The following CLYBL variants were observed in gnomAD, a reference collection of about 807,000 sequenced individuals.
The protein encoded by CLYBL is citramalyl-CoA lyase, mitochondrial.
CLYBL carries 31 observed loss-of-function variants against 38.9 expected under a neutral mutation model. The observed-to-expected ratio is 0.80, with a 90% CI of 0.60 to 1.08. The LOEUF (loss-of-function observed/expected upper bound fraction) is 1.08. CLYBL is among the 50% of genes least tolerant of loss of function. CLYBL has a pLI of 0.00. For synonymous variants in CLYBL, 171 were observed against 158.6 expected (o/e 1.08, Z -0.59); for missense variants, 434 against 411.6 (o/e 1.05, Z -0.47).
chr13:99,854,142 A>G (rs2051398977), intron 2 of CLYBL, among the ~76,000 whole-genome samples: 1 of 152,102 alleles, frequency 6.6e-6, no homozygotes, highest in Non-Finnish European at 1.5e-5. Context: ...TTTCTTAATT[A>G]CCAAATCTTG....
chr13:99,781,958 C>G (rs2049664655), intron 2 of CLYBL, among the ~76,000 whole-genome samples: 1 of 152,226 alleles, frequency 6.6e-6, no homozygotes, highest in African/African-American at 2.4e-5. Context: ...CCAGTTATTT[C>G]TCTCGCACTG....
At chr13:99,737,867 C>G (rs760238215) in intron 1 of CLYBL, among the ~76,000 whole-genome samples, 1 of 152,030 alleles carries the variant, frequency 6.6e-6, no homozygotes, top group South Asian at 2.1e-4. Context: ...CTACTGTGCG[C>G]GTCAATTTTT....
At chr13:99,839,705 A>G (rs914494780) in intron 2 of CLYBL, among the ~76,000 whole-genome samples, 54 of 152,154 alleles carry the variant, frequency 3.5e-4, no homozygotes, top group African/African-American at 1.3e-3. Context: ...GTGGGTACAT[A>G]GTAGGTATAT....
At chr13:99,621,614 T>C (rs1364448626) in intron 1 of CLYBL, among the ~76,000 whole-genome samples, 1 of 147,450 alleles carries the variant, frequency 6.8e-6, no homozygotes, top group Non-Finnish European at 1.5e-5. Context: ...TTCCTATTGC[T>C]GTTGTAACAG....
intron 2 of CLYBL, among the ~76,000 whole-genome samples, chr13:99,833,030 A>ATATATATT (rs1555314878): frequency 2.8e-5 from 1 of 35,868 alleles, no homozygotes; most frequent in Non-Finnish European, 4.4e-5. Context: ...ATATATATAT[A>ATATATATT]TTTTTTTTTT....
intron 1 of CLYBL, chr13:99,726,653 C>G (rs1327543694): frequency 6.6e-6 from 1 of 152,296 alleles, no homozygotes; most frequent in Non-Finnish European, 1.5e-5. Context: ...GAGACTTAAA[C>G]TCTGAATAAT....
intron 2 of CLYBL, among the ~76,000 whole-genome samples, chr13:99,796,545 T>TC (rs1214746437): frequency 5.9e-5 from 9 of 152,226 alleles, no homozygotes; most frequent in Admixed American, 4.6e-4. Flanking sequence ...GCTATTATTC[T>TC]CCCCATTGAC....
chr13:99,693,965 T>G (rs148263566), intron 1 of CLYBL, among the ~76,000 whole-genome samples: 104 of 152,224 alleles, frequency 6.8e-4, no homozygotes, highest in African/African-American at 2.5e-3. Flanking sequence ...GAGGGACAGA[T>G]GGAACAAAAG....
chr13:99,644,004 C>CAAAAAAAAAAAAAAAAAAAAAA, intron 1 of CLYBL, among the ~76,000 whole-genome samples: 1 of 89,126 alleles, frequency 1.1e-5, no homozygotes, highest in Admixed American at 1.2e-4. Flanking sequence ...GACTCTGTCT[C>CAAAAAAAAAAAAAAAAAAAAAA]AAAAAAAAAA....
chr13:99,887,184 G>A (rs1418005595), intron 7 of CLYBL, among the ~76,000 whole-genome samples: 1 of 152,150 alleles, frequency 6.6e-6, no homozygotes, highest in Non-Finnish European at 1.5e-5. Flanking sequence ...TCAACCTCTA[G>A]GTTTTCTGCA....
chr13:99,784,453 T>C (rs950861148), intron 2 of CLYBL, among the ~76,000 whole-genome samples: 9 of 41,354 alleles, frequency 2.2e-4, no homozygotes, highest in Middle Eastern at 8.6e-3. Context: ...TTCTCTCTTT[T>C]TTTTTTTTTT....
chr13:99,857,652 G>C (rs1190035849), intron 2 of CLYBL, among the ~76,000 whole-genome samples: 1 of 152,078 alleles, frequency 6.6e-6, no homozygotes, highest in Admixed American at 6.5e-5. Context: ...GCTTCTCCCC[G>C]CTCATAGACC....
chr13:99,903,441 C>T (rs1010996032), intron 8 of CLYBL, among the ~76,000 whole-genome samples: 1 of 152,126 alleles, frequency 6.6e-6, no homozygotes. Context: ...CACATGCACA[C>T]AGGGAATTGT....
chr13:99,726,978 G>A (rs1298980877), intron 1 of CLYBL, among the ~76,000 whole-genome samples: 1 of 151,968 alleles, frequency 6.6e-6, no homozygotes, highest in African/African-American at 2.4e-5. Context: ...GGACAACTTG[G>A]TGAAACCCCA....
downstream of CLYBL, among the ~76,000 whole-genome samples, chr13:99,898,423 G>C (rs1196051819): frequency 1.3e-5 from 2 of 152,166 alleles, no homozygotes; most frequent in African/African-American, 2.4e-5. Context: ...ATGAACTTCT[G>C]GCTTCGATTT....
chr13:99,675,133 T>C (rs535593921), intron 1 of CLYBL, among the ~76,000 whole-genome samples: 1 of 152,290 alleles, frequency 6.6e-6, no homozygotes, highest in South Asian at 2.1e-4. Flanking sequence ...GGTAGAAGCA[T>C]GGAATGGATT....
chr13:99,861,287 T>G (rs2051596169), intron 3 of CLYBL, among the ~76,000 whole-genome samples: 1 of 152,162 alleles, frequency 6.6e-6, no homozygotes. Flanking sequence ...AATGCCCCTA[T>G]TGGCTTAAAA....
chr13:99,699,803 C>T (rs1258869208), intron 1 of CLYBL, among the ~76,000 whole-genome samples: 1 of 151,458 alleles, frequency 6.6e-6, no homozygotes, highest in African/African-American at 2.4e-5. Flanking sequence ...ACCATCCTGG[C>T]TAACAAGGTG....
At chr13:99,824,951 C>T (rs9517892) in intron 2 of CLYBL, among the ~76,000 whole-genome samples, 21,777 of 152,116 alleles carry the variant, frequency 0.14, 1,974 homozygotes, top group East Asian at 0.5. Context: ...CCCCTGCCCC[C>T]CACTCTTCAT....
Sources: allele counts gnomAD v4.1 joint callset (sites outside exome capture counted in the v4.1 genomes callset), GRCh38; gene constraint gnomAD v4.1.1; transcripts MANE v1.5; gene names NCBI Gene and HGNC (gene_info 2026-07-23, HGNC 2026-07-21).